The following CALU variants were observed in gnomAD, a reference collection of about 807,000 sequenced individuals.
The protein encoded by CALU is IEF SSP 9302.
Under a neutral mutation model 37.5 loss-of-function variants are expected in CALU, and 13 were observed. That is an observed-to-expected ratio of 0.35 (90% CI 0.23 to 0.55). CALU has a LOEUF of 0.55. Among genes scored for constraint, CALU ranks in the 20% least tolerant of loss-of-function variants. The pLI is 0.89. For missense variants in CALU, 282 were observed against 391.7 expected (o/e 0.72, Z 2.36); for synonymous variants, 114 against 133.8 (o/e 0.85, Z 1.02).
At chr7:128,748,411 C>T (rs1371080001) in intron 1 of CALU, 162 bp from the exon 2 acceptor site, 1 of 1,382,974 alleles carries the variant, frequency 7.2e-7, no homozygotes. Context: ...TGATATTCCA[C>T]CATACTTATT....
chr7:128,747,029 G>C (rs1800473415), intron 1 of CALU, among the ~76,000 whole-genome samples: 1 of 151,972 alleles, frequency 6.6e-6, no homozygotes, highest in South Asian at 2.1e-4. Context: ...CGGCCTCCCA[G>C]TGTGCTGGGA....
At chr7:128,753,851 C>G (rs1585008164) in intron 2 of CALU, among the ~76,000 whole-genome samples, 1 of 152,136 alleles carries the variant, frequency 6.6e-6, no homozygotes, top group Non-Finnish European at 1.5e-5. Context: ...ATTGGAGTTT[C>G]TCTTCTGTAA....
At chr7:128,751,361 G>GA (rs1032101377) in intron 2 of CALU, among the ~76,000 whole-genome samples, 140 of 152,064 alleles carry the variant, frequency 9.2e-4, no homozygotes, top group African/African-American at 3.3e-3. Flanking sequence ...TCCTTTTGGG[G>GA]ATCACAGGCC....
chr7:128,758,559 C>T (rs1220168644), intron 3 of CALU, among the ~76,000 whole-genome samples: 9 of 152,184 alleles, frequency 5.9e-5, no homozygotes, highest in African/African-American at 2.2e-4. Flanking sequence ...GACTTGAGAG[C>T]CACCACTGCC....
At position 128,771,991 on chromosome 7, in the gene CALU, G is replaced by A. The variant is rs1450119219; in HGVS notation, c.*2824G>A. 6.6e-6 allele frequency among the ~76,000 whole-genome samples: 1 copy of A among 151,950 alleles called. No individual in the cohort carries two copies. The highest frequency in any genetic ancestry group is 1.5e-5 in the Non-Finnish European group (1 of 67,994). ...TGCTCAGGGGCTTGTGGACATGGCT[G>A]TTCCTGCCAAAGCTGTAGCAGTTAT... On this transcript the variant is annotated 3_prime_UTR_variant, in exon 7 of 7. Coordinates refer to ENST00000249364, the MANE Select transcript of CALU (RefSeq NM_001219.5).
intron 1 of CALU, among the ~76,000 whole-genome samples, chr7:128,740,536 T>A (rs1445459566): frequency 6.6e-6 from 1 of 151,540 alleles, no homozygotes; most frequent in Non-Finnish European, 1.5e-5. Context: ...CAAACGACAG[T>A]AATCACTGAA....
Position 128,772,514 on chromosome 7 carries a change from G to A in CALU, c.*3347G>A. ...TTAAAAGTAAAATTTAATTCTAGCT[G>A]TTGCAAACAGGCCAATATTGGGTCC... On this transcript the variant is annotated 3_prime_UTR_variant, in exon 7 of 7. Coordinates refer to ENST00000249364, the MANE Select transcript of CALU (RefSeq NM_001219.5). 3 of 1,613,952 alleles carry A rather than the reference G, an allele frequency of 1.9e-6. No homozygotes were observed. The highest frequency in any genetic ancestry group is 1.3e-5 in the African/African-American group (1 of 75,030).
At chr7:128,741,622 G>A (rs570459855) in intron 1 of CALU, among the ~76,000 whole-genome samples, 2 of 152,268 alleles carry the variant, frequency 1.3e-5, no homozygotes, top group South Asian at 4.1e-4. Context: ...TAGTAGGTAG[G>A]TCTTCTAGGA....
intron 4 of CALU, among the ~76,000 whole-genome samples, chr7:128,759,319 T>C (rs762021672): frequency 6.6e-6 from 1 of 152,156 alleles, no homozygotes; most frequent in Non-Finnish European, 1.5e-5. Context: ...ATTGTAAGAA[T>C]GGGGGGAAAT....
chr7:128,752,627 A>G (rs1800719587), intron 2 of CALU, among the ~76,000 whole-genome samples: 1 of 152,244 alleles, frequency 6.6e-6, no homozygotes, highest in Non-Finnish European at 1.5e-5. Flanking sequence ...ACAGGACTAA[A>G]GTTACAACAA....
chr7:128,746,762 CTTTTTTT>C (rs71162530), intron 1 of CALU, among the ~76,000 whole-genome samples: 3 of 122,666 alleles, frequency 2.4e-5, no homozygotes, highest in African/African-American at 6.9e-5. Flanking sequence ...TCATGTCATT[CTTTTTTT>C]TTTTTTTTTT....
intron 1 of CALU, among the ~76,000 whole-genome samples, chr7:128,746,969 C>T (rs946198077): frequency 3.3e-5 from 5 of 151,938 alleles, no homozygotes; most frequent in East Asian, 1.9e-4. Context: ...GGGGTTTTAC[C>T]GTGTTAGCCA....
At chr7:128,760,997 G>C in intron 5 of CALU, among the ~76,000 whole-genome samples, 1 of 152,184 alleles carries the variant, frequency 6.6e-6, no homozygotes, top group East Asian at 1.9e-4. Context: ...TTAAAAGATG[G>C]ATAAATAAAT....
In CALU at chr7:128,768,847, C is replaced by CAAAA. The variant is rs1012831963; in HGVS notation, c.844-198_844-195dup. ...GGGCAACAAGAGCGAAACTCCGTCTCAAAAAAAAAAAAAAAAAAAAACAAG... is the reference window on the plus strand; with the variant it reads ...GGGCAACAAGAGCGAAACTCCGTCTCAAAAAAAAAAAAAAAAAAAAAAAAACAAG... On this transcript the variant is annotated intron_variant, in intron 6 of 6. Coordinates refer to ENST00000249364, the MANE Select transcript of CALU (RefSeq NM_001219.5). Among the ~76,000 whole-genome samples the CAAAA allele has an allele frequency of 5.4e-4, 30 of 55,188 alleles. 4 individuals are homozygous for CAAAA. The highest frequency in any genetic ancestry group is 1.4e-3 in the African/African-American group (16 of 11,572). 36.2% of individuals were successfully genotyped at this position (55,188 alleles called of 152,430 possible). A position where few individuals can be genotyped will look rare whatever the true frequency, so the allele number is the denominator to read the frequency against.
At chr7:128,759,260 A>G (rs1388565425) in intron 4 of CALU, among the ~76,000 whole-genome samples, 1 of 152,184 alleles carries the variant, frequency 6.6e-6, no homozygotes, top group East Asian at 1.9e-4. Flanking sequence ...TTAGTATGAT[A>G]ATACCTTCTG....
At chr7:128,748,059 G>C (rs906739455) in intron 1 of CALU, 1 of 264,828 alleles carries the variant, frequency 3.8e-6, no homozygotes, top group African/African-American at 2.2e-5. Flanking sequence ...ATGAACATCA[G>C]AATCACCTGA....
intron 6 of CALU, among the ~76,000 whole-genome samples, chr7:128,768,779 G>A (rs138390069): frequency 2.0e-5 from 3 of 147,804 alleles, no homozygotes; most frequent in East Asian, 4.0e-4. Context: ...CACGGGAGGC[G>A]GAGGTTGCGG....
At chr7:128,760,607 G>A (rs1381604874) in intron 5 of CALU, among the ~76,000 whole-genome samples, 1 of 152,106 alleles carries the variant, frequency 6.6e-6, no homozygotes, top group Non-Finnish European at 1.5e-5. Flanking sequence ...CTATGGAACT[G>A]ATGGTAAAGA....
intron 5 of CALU, 95 bp from the exon 6 acceptor site, chr7:128,767,361 C>A: frequency 2.1e-6 from 2 of 958,852 alleles, no homozygotes; most frequent in Non-Finnish European, 3.4e-6. Flanking sequence ...GGGTTCCAAA[C>A]AAATGGATGA....
Sources: allele counts gnomAD v4.1 joint callset (sites outside exome capture counted in the v4.1 genomes callset), GRCh38; gene constraint gnomAD v4.1.1; transcripts MANE v1.5; gene names NCBI Gene and HGNC (gene_info 2026-07-23, HGNC 2026-07-21).